The following GRIN3A variants were observed in gnomAD, a reference collection of about 807,000 sequenced individuals.
GRIN3A encodes the protein glutamate ionotropic receptor NMDA type subunit 3A, also known as glutamate receptor ionotropic, NMDA 3A.
GRIN3A carries 47 observed loss-of-function variants against 92.4 expected under a neutral mutation model. That is an observed-to-expected ratio of 0.51 (90% CI 0.40 to 0.65). The LOEUF is 0.65. GRIN3A is among the 30% of genes least tolerant of loss of function. The probability of loss-of-function intolerance (pLI) is 0.00; values close to 1 mark genes in which losing one functional copy is unlikely to be tolerated. For synonymous variants in GRIN3A, 527 were observed against 540.6 expected (o/e 0.97, Z 0.35); for missense variants, 1,324 against 1,393.1 (o/e 0.95, Z 0.79).
At chr9:101,663,108 C>T (rs942999190) in intron 3 of GRIN3A, among the ~76,000 whole-genome samples, 4 of 151,894 alleles carry the variant, frequency 2.6e-5, no homozygotes, top group Non-Finnish European at 2.9e-5. Flanking sequence ...TGTCTAGCCT[C>T]GGGGATTCTG....
chr9:101,607,777 G>C (rs1259460351), intron 6 of GRIN3A, among the ~76,000 whole-genome samples: 1 of 152,220 alleles, frequency 6.6e-6, no homozygotes, highest in African/African-American at 2.4e-5. Context: ...TGAAGCAAAA[G>C]GGATGGCAAG....
chr9:101,695,133 C>CTGT (rs1829669186), intron 1 of GRIN3A, among the ~76,000 whole-genome samples: 1 of 152,036 alleles, frequency 6.6e-6, no homozygotes, highest in East Asian at 1.9e-4. Context: ...TACAGTCATA[C>CTGT]CCAGAAAGTG....
At chr9:101,577,871 A>G in intron 7 of GRIN3A, 27 bp from the exon 8 acceptor site, 1 of 1,499,378 alleles carries the variant, frequency 6.7e-7, no homozygotes, top group Non-Finnish European at 9.3e-7. Context: ...ATTCACAGGT[A>G]GAAATTATGA....
chr9:101,603,035 CTA>C (rs1828232641), intron 6 of GRIN3A: 1 of 111,120 alleles, frequency 9.0e-6, no homozygotes, highest in Non-Finnish European at 2.3e-5. Flanking sequence ...AGACACTGAG[CTA>C]GAGGAAAGAA....
chr9:101,651,666 G>GTGTGTGTGTGTA (rs1319915345), intron 3 of GRIN3A, among the ~76,000 whole-genome samples: 58 of 151,562 alleles, frequency 3.8e-4, no homozygotes, highest in Non-Finnish European at 5.8e-4. Flanking sequence ...GTGTGTGTGT[G>GTGTGTGTGTGTA]TGGTCATTCT....
intron 1 of GRIN3A, among the ~76,000 whole-genome samples, chr9:101,699,310 A>G (rs1829725310): frequency 6.6e-6 from 1 of 152,176 alleles, no homozygotes; most frequent in African/African-American, 2.4e-5. Flanking sequence ...GTCATTGCCC[A>G]TGATAAAAAT....
At chr9:101,717,741 C>T (rs547598671) in intron 1 of GRIN3A, among the ~76,000 whole-genome samples, 16 of 152,012 alleles carry the variant, frequency 1.1e-4, no homozygotes, top group Non-Finnish European at 2.1e-4. Context: ...TAGAGAAATT[C>T]GCAGAAGAGG....
At chr9:101,598,769 T>C (rs1828173721) in intron 6 of GRIN3A, among the ~76,000 whole-genome samples, 1 of 152,200 alleles carries the variant, frequency 6.6e-6, no homozygotes, top group Non-Finnish European at 1.5e-5. Context: ...GTGGTTACAG[T>C]ATGCCACAGG....
intron 6 of GRIN3A, among the ~76,000 whole-genome samples, chr9:101,589,143 G>T (rs1827990949): frequency 1.3e-5 from 2 of 151,902 alleles, no homozygotes; most frequent in African/African-American, 4.8e-5. Flanking sequence ...GCTGATTTTT[G>T]TATTTTTTTA....
intron 1 of GRIN3A, among the ~76,000 whole-genome samples, chr9:101,731,445 A>G (rs964828635): frequency 6.6e-6 from 1 of 152,236 alleles, no homozygotes; most frequent in African/African-American, 2.4e-5. Context: ...ATATAATATG[A>G]TTAAAATTCT....
At chr9:101,646,667 A>G (rs527287976) in intron 3 of GRIN3A, among the ~76,000 whole-genome samples, 1 of 151,816 alleles carries the variant, frequency 6.6e-6, no homozygotes, top group South Asian at 2.1e-4. Flanking sequence ...ATATCTTTCC[A>G]TTTTTTTCTG....
chr9:101,694,095 G>T (rs767212018), intron 1 of GRIN3A, among the ~76,000 whole-genome samples: 21 of 152,128 alleles, frequency 1.4e-4, no homozygotes, highest in African/African-American at 5.1e-4. Context: ...AATATTGCTG[G>T]CAATGCTAGG....
intron 1 of GRIN3A, among the ~76,000 whole-genome samples, chr9:101,696,925 T>G (rs1158602329): frequency 1.3e-5 from 2 of 152,194 alleles, no homozygotes; most frequent in Non-Finnish European, 2.9e-5. Flanking sequence ...TCAAGACATT[T>G]AAAACATTGA....
At chr9:101,631,204 C>A (rs1185270841) in intron 3 of GRIN3A, among the ~76,000 whole-genome samples, 2 of 152,120 alleles carry the variant, frequency 1.3e-5, no homozygotes, top group Non-Finnish European at 2.9e-5. Context: ...CCTTGTATTT[C>A]TAATGCCTTT....
In GRIN3A at chr9:101,613,525, A is replaced by T. The variant is rs775786341; in HGVS notation, c.2617T>A (p.Tyr873Asn). Residue 873 changes from tyrosine to asparagine, a missense_variant and splice_region_variant, in exon 6 of 9, where the codon TAC becomes AAC. Physicochemically the swap from Tyr to Asn is moderately radical, Grantham distance 143. Coordinates refer to ENST00000361820, the MANE Select transcript of GRIN3A (RefSeq NM_133445.3). Reference protein sequence around the residue: ...TVGKPFAIEGYGIGLPPNSPL... With the variant: ...TVGKPFAIEGNGIGLPPNSPL... ...GAGTTGGGTGGGAGGCCAATGCCGT[A>T]TCCTAGAAGAAAATACAATCTCAGA... is the stretch of plus-strand genomic sequence containing the variant. 6.2e-7 allele frequency: 1 copy of T among 1,614,188 alleles called. No homozygotes were observed. The highest frequency in any genetic ancestry group is 8.5e-7 in the Non-Finnish European group (1 of 1,180,004).
At chr9:101,632,304 A>G (rs1828725690) in intron 3 of GRIN3A, among the ~76,000 whole-genome samples, 1 of 152,158 alleles carries the variant, frequency 6.6e-6, no homozygotes, top group South Asian at 2.1e-4. Context: ...AACACTTGGG[A>G]TTATTTTTAT....
intron 3 of GRIN3A, among the ~76,000 whole-genome samples, chr9:101,638,763 G>A (rs542603823): frequency 7.2e-5 from 11 of 152,298 alleles, no homozygotes; most frequent in South Asian, 2.1e-4. Context: ...TGGTTCTATC[G>A]TATACGACCT....
At chr9:101,695,809 C>T (rs981968481) in intron 1 of GRIN3A, among the ~76,000 whole-genome samples, 4 of 152,160 alleles carry the variant, frequency 2.6e-5, no homozygotes, top group African/African-American at 9.7e-5. Context: ...CCATAATGTG[C>T]TCAGAGGCTA....
At chr9:101,662,548 A>G (rs1423525323) in intron 3 of GRIN3A, among the ~76,000 whole-genome samples, 1 of 151,718 alleles carries the variant, frequency 6.6e-6, no homozygotes, top group Admixed American at 6.6e-5. Flanking sequence ...AAGCATTTCA[A>G]TATCTAGAAA....
Sources: gnomAD v4.1 joint callset for allele counts (sites outside exome capture counted in the v4.1 genomes callset) on GRCh38, gnomAD v4.1.1 for gene constraint, MANE v1.5 for transcripts, NCBI Gene and HGNC (gene_info 2026-07-23, HGNC 2026-07-21) for gene names.